Variants in NTN1 observed in about 807,000 individuals in gnomAD.
The protein encoded by NTN1 is netrin-1.
In NTN1, 11 loss-of-function variants were observed where a neutral mutation model predicts 54.2. The observed-to-expected ratio is 0.20, with a 90% confidence interval of 0.13 to 0.34. The LOEUF (loss-of-function observed/expected upper bound fraction) is 0.34. Among genes scored for constraint, NTN1 ranks in the 10% least tolerant of loss-of-function variants. NTN1 has a pLI of 1.00. For synonymous variants in NTN1, 371 were observed against 382.0 expected (o/e 0.97, Z 0.33); for missense variants, 740 against 893.1 (o/e 0.83, Z 2.18).
intron 2 of NTN1, among the ~76,000 whole-genome samples, chr17:9,158,453 G>A (rs994370849): frequency 3.9e-5 from 6 of 152,198 alleles, no homozygotes; most frequent in African/African-American, 1.4e-4. Context: ...AGTGAGGCCT[G>A]GGTGATCCTT....
intron 6 of NTN1, among the ~76,000 whole-genome samples, chr17:9,229,166 C>CTG (rs1405920390): frequency 1.8e-4 from 11 of 61,576 alleles, no homozygotes; most frequent in Admixed American, 5.9e-4. Context: ...CTGTGTGAGA[C>CTG]TGTGTGTGTG....
chr17:9,085,620 G>T (rs1290682476), intron 2 of NTN1, among the ~76,000 whole-genome samples: 1 of 152,198 alleles, frequency 6.6e-6, no homozygotes, highest in African/African-American at 2.4e-5. Flanking sequence ...CATCCCGGGA[G>T]CTCTAGCCTC....
In NTN1 at chr17:9,146,169, G is replaced by A. The variant is rs1032666275; in HGVS notation, c.1019-16644G>A. ...CAGGCATGTATGGACAGAGACAGGAGGCAAACAGCTGAGTAAGGTGCAGGG... is the reference window on the plus strand; with the variant it reads ...CAGGCATGTATGGACAGAGACAGGAAGCAAACAGCTGAGTAAGGTGCAGGG... On this transcript the variant is annotated intron_variant, in intron 2 of 6. Coordinates refer to ENST00000173229, the MANE Select transcript of NTN1 (RefSeq NM_004822.3). 1.3e-4 allele frequency among the ~76,000 whole-genome samples: 20 copies of A among 152,288 alleles called. No homozygotes were observed. The Middle Eastern group carries it at 0.01, about 78-fold the overall frequency.
At chr17:9,123,254 G>C (rs1248476471) in intron 2 of NTN1, among the ~76,000 whole-genome samples, 1 of 152,054 alleles carries the variant, frequency 6.6e-6, no homozygotes, top group Non-Finnish European at 1.5e-5. Flanking sequence ...ATATTTGATT[G>C]TTTTCATTGA....
In NTN1 at chr17:9,239,934, A is replaced by G; in HGVS notation, c.1781A>G (p.Gln594Arg). 1 of 1,330,804 alleles carries G rather than the reference A, an allele frequency of 7.5e-7. No homozygotes were observed. Among genetic ancestry groups the G allele is most frequent in the South Asian group, 1.2e-5 (1 of 85,042 alleles). The allele number at this position is 1,330,804 out of a possible 1,614,324, so 82.4% of individuals were successfully genotyped here. The change falls in exon 7 of 7, where the codon CAG (glutamine) becomes CGG (arginine). Residue 594 changes from glutamine (Q) to arginine (R), a missense_variant. Transcript: ENST00000173229. The surrounding 1 kb of genome is among the most constrained non-coding windows in gnomAD (Gnocchi z 5.2). Reference protein sequence around the residue: ...TWARRLRKFQQREKKGKCKKA With the variant: ...TWARRLRKFQRREKKGKCKKA ...GCGCGGCGGCTGCGCAAGTTCCAGC[A>G]GCGTGAGAAGAAGGGCAAGTGCAAG...
At chr17:9,101,718 G>A (rs1211101468) in intron 2 of NTN1, among the ~76,000 whole-genome samples, 1 of 152,196 alleles carries the variant, frequency 6.6e-6, no homozygotes, top group African/African-American at 2.4e-5. Context: ...AACATAAGGG[G>A]TGGCCCAGTG....
chr17:9,042,242 T>G (rs1475288381), intron 2 of NTN1, among the ~76,000 whole-genome samples: 1 of 152,142 alleles, frequency 6.6e-6, no homozygotes, highest in Non-Finnish European at 1.5e-5. Context: ...GTTTGAAATA[T>G]TCCAGCATTC....
intron 2 of NTN1, among the ~76,000 whole-genome samples, chr17:9,129,677 T>G (rs974913129): frequency 6.6e-6 from 1 of 152,212 alleles, no homozygotes; most frequent in African/African-American, 2.4e-5. Context: ...TTTTCCATAC[T>G]GTCACCTCCC....
intron 3 of NTN1, chr17:9,176,595 G>A (rs1196470286): frequency 6.6e-6 from 1 of 152,188 alleles, no homozygotes; most frequent in Admixed American, 6.5e-5. Context: ...TTTGCACAGG[G>A]TATAATGGGG....
chr17:9,017,333 T>C (rs2091834005), upstream of NTN1, among the ~76,000 whole-genome samples: 1 of 152,202 alleles, frequency 6.6e-6, no homozygotes, highest in Non-Finnish European at 1.5e-5. Flanking sequence ...GCCTGGCTTC[T>C]GTCCCTACCA....
chr17:9,048,945 C>T (rs141299609), intron 2 of NTN1, among the ~76,000 whole-genome samples: 1,603 of 152,276 alleles, frequency 0.011, 29 homozygotes, highest in African/African-American at 0.033. Context: ...CATGAGCCAC[C>T]GCGCCCGGCG....
chr17:9,228,946 G>GTTTA (rs1301440557), intron 6 of NTN1, among the ~76,000 whole-genome samples: 3 of 16,438 alleles, frequency 1.8e-4, no homozygotes, highest in African/African-American at 2.9e-4. Context: ...GTGTGGCTGT[G>GTTTA]TGACTCTGCG....
At chr17:9,225,608 G>A (rs774084955) in intron 6 of NTN1, among the ~76,000 whole-genome samples, 29 of 152,220 alleles carry the variant, frequency 1.9e-4, no homozygotes, top group Non-Finnish European at 3.4e-4. Flanking sequence ...GTAAGGGGGT[G>A]TCCCTCCCAC....
chr17:9,053,773 A>G (rs1183475911), intron 2 of NTN1, among the ~76,000 whole-genome samples: 8 of 152,248 alleles, frequency 5.3e-5, no homozygotes, highest in Admixed American at 5.2e-4. Flanking sequence ...AAGAAAAGAA[A>G]TGAAGGAAAT....
chr17:9,125,888 C>G (rs1444881122), intron 2 of NTN1, among the ~76,000 whole-genome samples: 1 of 152,202 alleles, frequency 6.6e-6, no homozygotes. Context: ...GTGCTGGGCT[C>G]TTTATCACAT....
chr17:9,041,439 G>A (rs766953797), intron 2 of NTN1, among the ~76,000 whole-genome samples: 10 of 152,226 alleles, frequency 6.6e-5, no homozygotes, highest in Admixed American at 5.2e-4. Context: ...ATAGAATCAC[G>A]TAACATATGG....
chr17:9,163,864 TCAGGGCCTGCCATGAACATGG>T (rs1435702488), intron 3 of NTN1, among the ~76,000 whole-genome samples: 1 of 152,110 alleles, frequency 6.6e-6, no homozygotes, highest in Non-Finnish European at 1.5e-5. Context: ...TGGCCTAAGG[TCAGGGCCTGCCATGAACATGG>T]CTTCCCAAGA....
intron 5 of NTN1, among the ~76,000 whole-genome samples, chr17:9,208,446 G>A (rs1018711862): frequency 6.6e-6 from 1 of 152,138 alleles, no homozygotes; most frequent in Non-Finnish European, 1.5e-5. Flanking sequence ...AGCAGTCAGC[G>A]GTGACCTGCA....
At chr17:9,152,072 A>T (rs2092329158) in intron 2 of NTN1, among the ~76,000 whole-genome samples, 1 of 152,192 alleles carries the variant, frequency 6.6e-6, no homozygotes, top group South Asian at 2.1e-4. Flanking sequence ...CATGAGTGGC[A>T]ATCCACTCGG....
Sources: allele counts gnomAD v4.1 joint callset (sites outside exome capture counted in the v4.1 genomes callset), GRCh38; gene constraint gnomAD v4.1.1; non-coding constraint Gnocchi (gnomAD v3.1); transcripts MANE v1.5; gene names NCBI Gene and HGNC (gene_info 2026-07-23, HGNC 2026-07-21).